Variants in PDE10A observed in about 807,000 individuals in gnomAD.
PDE10A encodes cAMP and cAMP-inhibited cGMP 3',5'-cyclic phosphodiesterase 10A.
PDE10A carries 39 observed loss-of-function variants against 97.7 expected under a neutral mutation model. The observed-to-expected ratio is 0.40, with a 90% CI of 0.31 to 0.52. The LOEUF is 0.52. Among genes scored for constraint, PDE10A ranks in the 20% least tolerant of loss-of-function variants. The pLI is 0.56. For missense variants in PDE10A, 731 were observed against 1,047.8 expected, an observed-to-expected ratio of 0.70 and a Z score of 4.17; for synonymous variants, 371 against 376.8, an observed-to-expected ratio of 0.98 and a Z score of 0.18.
chr6:165,528,796 A>G (rs1413789838), intron 2 of PDE10A, among the ~76,000 whole-genome samples: 1 of 152,216 alleles, frequency 6.6e-6, no homozygotes, highest in African/African-American at 2.4e-5. Flanking sequence ...AGCTGGATTG[A>G]TAGAACAGTG....
At position 165,970,830 on chromosome 6, in the gene PDE10A, AC is replaced by A. The variant is rs151202658; in HGVS notation, c.-615+16698del. On this transcript the variant is annotated intron_variant, in intron 1 of 19. Coordinates refer to the PDE10A transcript ENST00000366882. ...AAAGTATTATCAGAACATGAATTGG[AC>A]CCCATTATTCTGATAATGAAAAAAA... 3.7e-3 allele frequency among the ~76,000 whole-genome samples: 557 copies of A among 152,310 alleles called. 7 individuals carry two copies. Among genetic ancestry groups the A allele is most frequent in the African/African-American group, 0.013 (523 of 41,572 alleles).
chr6:165,513,354 G>T (rs1279201405), intron 2 of PDE10A, among the ~76,000 whole-genome samples: 1 of 152,056 alleles, frequency 6.6e-6, no homozygotes, highest in African/African-American at 2.4e-5. Flanking sequence ...ACCGTGTACA[G>T]ATTTATTTCT....
At chr6:165,784,486 G>A (rs1583084346) in intron 1 of PDE10A, among the ~76,000 whole-genome samples, 1 of 152,184 alleles carries the variant, frequency 6.6e-6, no homozygotes, top group Non-Finnish European at 1.5e-5. Flanking sequence ...GTAGAAGGTA[G>A]AATAACAGAC....
chr6:165,369,544 A>C (rs1363666902), intron 18 of PDE10A, among the ~76,000 whole-genome samples: 1 of 146,292 alleles, frequency 6.8e-6, no homozygotes, highest in Non-Finnish European at 1.5e-5. Context: ...AATAAAAAGG[A>C]ATGAGCAAAG....
chr6:165,764,225 T>C (rs6941064), intron 1 of PDE10A, among the ~76,000 whole-genome samples: 22,115 of 152,212 alleles, frequency 0.15, 2,528 homozygotes, highest in African/African-American at 0.31. Context: ...GGGTGTGTTA[T>C]TCATCATCCT....
At chr6:165,951,541 C>A (rs1158509213) in intron 1 of PDE10A, among the ~76,000 whole-genome samples, 2 of 152,142 alleles carry the variant, frequency 1.3e-5, no homozygotes, top group Admixed American at 6.5e-5. Context: ...CGACATCCAG[C>A]TTCTTCTGCA....
At chr6:165,591,550 G>A (rs1240708902) in intron 1 of PDE10A, among the ~76,000 whole-genome samples, 1 of 152,164 alleles carries the variant, frequency 6.6e-6, no homozygotes, top group Non-Finnish European at 1.5e-5. Context: ...CCAGAGATTT[G>A]AACCTCCACA....
chr6:165,942,847 G>C (rs972018944), intron 1 of PDE10A, among the ~76,000 whole-genome samples: 21 of 152,232 alleles, frequency 1.4e-4, no homozygotes, highest in African/African-American at 4.6e-4. Flanking sequence ...CATTCTGCTA[G>C]AACATTTCTT....
intron 1 of PDE10A, among the ~76,000 whole-genome samples, chr6:165,830,788 T>C (rs1295724400): frequency 6.6e-6 from 1 of 152,168 alleles, no homozygotes; most frequent in Non-Finnish European, 1.5e-5. Context: ...CTCCCCCATT[T>C]CTTGTGCCAA....
intron 1 of PDE10A, among the ~76,000 whole-genome samples, chr6:165,576,015 T>G (rs1399763755): frequency 1.3e-5 from 2 of 152,246 alleles, no homozygotes; most frequent in Non-Finnish European, 1.5e-5. Context: ...TCCGTTAGTT[T>G]CTTGGAAATT....
upstream of PDE10A, among the ~76,000 whole-genome samples, chr6:165,663,256 T>C (rs1007951795): frequency 6.8e-6 from 1 of 147,542 alleles, no homozygotes; most frequent in Non-Finnish European, 1.5e-5. Context: ...GAGCAGGCGC[T>C]CCCCACGCCG....
chr6:165,366,891 C>A (rs1226196293), intron 18 of PDE10A, among the ~76,000 whole-genome samples: 1 of 152,148 alleles, frequency 6.6e-6, no homozygotes, highest in African/African-American at 2.4e-5. Flanking sequence ...TAATTACCTT[C>A]AGAGAAAGAC....
chr6:165,901,078 C>A (rs1265683276), intron 1 of PDE10A, among the ~76,000 whole-genome samples: 1 of 151,994 alleles, frequency 6.6e-6, no homozygotes, highest in Non-Finnish European at 1.5e-5. Flanking sequence ...TCGGCCTCCA[C>A]GTGGACTCAT....
chr6:165,890,854 T>C (rs142363709), intron 1 of PDE10A, among the ~76,000 whole-genome samples: 2 of 152,354 alleles, frequency 1.3e-5, no homozygotes, highest in African/African-American at 4.8e-5. Flanking sequence ...CTGTAATTTC[T>C]GTATTACTAA....
At chr6:165,369,267 G>A (rs1050841865) in intron 18 of PDE10A, among the ~76,000 whole-genome samples, 3 of 152,068 alleles carry the variant, frequency 2.0e-5, no homozygotes, top group South Asian at 2.1e-4. Context: ...GGCTTCAGAC[G>A]ATCAAATTAC....
At chr6:165,844,270 C>G (rs1304043845) in intron 1 of PDE10A, among the ~76,000 whole-genome samples, 1 of 152,122 alleles carries the variant, frequency 6.6e-6, no homozygotes, top group Non-Finnish European at 1.5e-5. Context: ...CAGAGGGCCT[C>G]AGAATATTGA....
At chr6:165,770,980 A>G (rs202232322) in intron 1 of PDE10A, among the ~76,000 whole-genome samples, 2 of 152,264 alleles carry the variant, frequency 1.3e-5, no homozygotes, top group East Asian at 3.9e-4. Flanking sequence ...CCCAGCCACC[A>G]TTCCCCGGTG....
chr6:165,522,107 C>T (rs1442922156), intron 2 of PDE10A, among the ~76,000 whole-genome samples: 1 of 152,072 alleles, frequency 6.6e-6, no homozygotes, highest in Non-Finnish European at 1.5e-5. Flanking sequence ...CCACATTTGG[C>T]CATGAACAGA....
Position 165,328,986 on chromosome 6 carries a change from AC to A in PDE10A, c.*4038del, listed in dbSNP as rs537483351. 23 of 152,368 alleles carry A rather than the reference AC, an allele frequency of 1.5e-4. No homozygotes were observed. In the East Asian group the frequency reaches 4.2e-3, roughly 28 times the overall value. 9.4% of individuals were successfully genotyped at this position (152,368 alleles called of 1,614,324 possible). The stretch of plus-strand genomic sequence containing the variant: ...ATGGGGAAACTATAACGGATGACAT[AC>A]TTGGCTGATTTACATTTTACATAAT... On this transcript the variant is annotated 3_prime_UTR_variant, in exon 22 of 22. Coordinates refer to ENST00000539869, the MANE Select transcript of PDE10A (RefSeq NM_001385079.1).
Sources: gnomAD v4.1 joint callset for allele counts (sites outside exome capture counted in the v4.1 genomes callset) on GRCh38, gnomAD v4.1.1 for gene constraint, MANE v1.5 for transcripts, NCBI Gene and HGNC (gene_info 2026-07-23, HGNC 2026-07-21) for gene names.